The following UNC13C variants were observed in gnomAD, a reference collection of about 807,000 sequenced individuals.
The protein encoded by UNC13C is unc-13 homolog C.
UNC13C carries 174 observed loss-of-function variants against 245.4 expected under a neutral mutation model. That is an observed-to-expected ratio of 0.71 (90% CI 0.63 to 0.80). UNC13C has a LOEUF of 0.80. Ranked by LOEUF, UNC13C falls within the 30% of genes least tolerant of loss-of-function variation. The pLI is 0.00. For synonymous variants in UNC13C, 992 were observed against 895.1 expected, an observed-to-expected ratio of 1.11 and a Z score of -1.93; for missense variants, 2,829 against 2,602.9, an observed-to-expected ratio of 1.09 and a Z score of -1.89.
At chr15:54,333,888 T>G (rs768485918) in intron 16 of UNC13C, 32 bp downstream of exon 16, 1 of 1,495,616 alleles carries the variant, frequency 6.7e-7, no homozygotes, top group Non-Finnish European at 9.2e-7. Flanking sequence ...ACTGTTTTGT[T>G]GTGACATAGA....
chr15:54,050,653 G>T, intron 2 of UNC13C: 2 of 476,438 alleles, frequency 4.2e-6, no homozygotes, highest in South Asian at 3.5e-5. Flanking sequence ...CTTTCTGCTT[G>T]AATTTGTCTC....
Position 54,542,439 on chromosome 15 carries a change from T to A in UNC13C, c.5697-4283T>A, listed in dbSNP as rs186746101. ...TCCAATTATGTGGTCAATTTTAGAATAAGTGCAATGTGGTGCTGAGAAGAA... is the reference window on the plus strand; with the variant it reads ...TCCAATTATGTGGTCAATTTTAGAAAAAGTGCAATGTGGTGCTGAGAAGAA... On this transcript the variant is annotated intron_variant, in intron 26 of 32. Coordinates refer to ENST00000260323, the MANE Select transcript of UNC13C (RefSeq NM_001080534.3). 2.8e-3 allele frequency among the ~76,000 whole-genome samples: 433 copies of A among 152,244 alleles called. 6 individuals carry two copies. Among genetic ancestry groups the A allele is most frequent in the Non-Finnish European group, 6.9e-4 (47 of 68,012 alleles).
At chr15:54,124,959 C>G (rs1288411420) in intron 2 of UNC13C, among the ~76,000 whole-genome samples, 1 of 152,122 alleles carries the variant, frequency 6.6e-6, no homozygotes, top group Non-Finnish European at 1.5e-5. Flanking sequence ...ATGTGTGGGT[C>G]TTTTTCTGGG....
chr15:54,561,868 G>A (rs1897309566), intron 29 of UNC13C, among the ~76,000 whole-genome samples: 1 of 151,972 alleles, frequency 6.6e-6, no homozygotes, highest in Non-Finnish European at 1.5e-5. Flanking sequence ...GGTGGCTTTA[G>A]GAGGAGAAAG....
chr15:54,226,168 A>C (rs887976519), intron 4 of UNC13C, among the ~76,000 whole-genome samples: 1 of 152,126 alleles, frequency 6.6e-6, no homozygotes, highest in Non-Finnish European at 1.5e-5. Flanking sequence ...GTTGATTGTC[A>C]TGGGTAAGCT....
chr15:53,858,300 A>G, the UNC13C span, among the ~76,000 whole-genome samples: 1 of 152,178 alleles, frequency 6.6e-6, no homozygotes, highest in African/African-American at 2.4e-5. Context: ...GTATTAAGTT[A>G]AATTATGTTT....
the UNC13C span, among the ~76,000 whole-genome samples, chr15:53,905,399 T>TACACACACACACACACACAC: frequency 5.4e-3 from 671 of 123,544 alleles, 5 homozygotes; most frequent in Non-Finnish European, 8.3e-3. Flanking sequence ...TATTACTTTA[T>TACACACACACACACACACAC]ACACACACAC....
intron 1 of UNC13C, among the ~76,000 whole-genome samples, chr15:53,988,042 A>G (rs761049105): frequency 3.3e-5 from 5 of 151,892 alleles, no homozygotes; most frequent in Admixed American, 6.6e-5. Flanking sequence ...GACTTTCCCA[A>G]TACTTCTCTC....
chr15:53,942,787 C>G, the UNC13C span, among the ~76,000 whole-genome samples: 2 of 152,096 alleles, frequency 1.3e-5, no homozygotes, highest in Non-Finnish European at 2.9e-5. Flanking sequence ...CTCAGTCTTC[C>G]AAATAGCTGA....
At chr15:54,080,560 T>G (rs1898887707) in intron 2 of UNC13C, among the ~76,000 whole-genome samples, 1 of 152,068 alleles carries the variant, frequency 6.6e-6, no homozygotes, top group East Asian at 1.9e-4. Context: ...AAGTCATATG[T>G]TTCCAGGAAT....
At chr15:54,349,711 C>G (rs2038938040) in intron 17 of UNC13C, among the ~76,000 whole-genome samples, 1 of 152,144 alleles carries the variant, frequency 6.6e-6, no homozygotes, top group African/African-American at 2.4e-5. Flanking sequence ...AGCCAGTAAT[C>G]TAACTCTGGG....
intron 19 of UNC13C, among the ~76,000 whole-genome samples, chr15:54,461,865 A>G (rs1037275730): frequency 2.6e-5 from 4 of 152,200 alleles, no homozygotes; most frequent in Non-Finnish European, 5.9e-5. Context: ...GGGTTGTTCA[A>G]TGTTTGAAGA....
chr15:54,398,220 T>G (rs184435711), intron 18 of UNC13C, among the ~76,000 whole-genome samples: 3 of 151,560 alleles, frequency 2.0e-5, no homozygotes, highest in Admixed American at 2.0e-4. Context: ...ATCACATAAT[T>G]TTGCTTTTCA....
chr15:54,432,430 T>C (rs2040890879), intron 19 of UNC13C, among the ~76,000 whole-genome samples: 1 of 151,834 alleles, frequency 6.6e-6, no homozygotes, highest in Non-Finnish European at 1.5e-5. Flanking sequence ...AAATTAGAAC[T>C]CAGGATTAAG....
chr15:53,935,032 G>T, the UNC13C span, among the ~76,000 whole-genome samples: 1 of 152,098 alleles, frequency 6.6e-6, no homozygotes. Context: ...AAGGAGCCAG[G>T]ATGCAGAGAT....
the UNC13C span, among the ~76,000 whole-genome samples, chr15:53,860,492 G>A: frequency 6.6e-6 from 1 of 152,048 alleles, no homozygotes; most frequent in Non-Finnish European, 1.5e-5. Flanking sequence ...GGAGGTAATT[G>A]CCCCATAGGG....
At chr15:54,335,365 C>T (rs1239187047) in intron 16 of UNC13C, among the ~76,000 whole-genome samples, 1 of 152,066 alleles carries the variant, frequency 6.6e-6, no homozygotes, top group Non-Finnish European at 1.5e-5. Flanking sequence ...AATTAATTTC[C>T]TCCTATTATC....
chr15:54,474,537 T>C (rs1488484737), intron 19 of UNC13C, among the ~76,000 whole-genome samples: 2 of 152,104 alleles, frequency 1.3e-5, no homozygotes, highest in Non-Finnish European at 1.5e-5. Context: ...TGTGTTTGTT[T>C]GTTTTGTTTT....
At chr15:54,589,706 T>C (rs1898683484) in intron 30 of UNC13C, among the ~76,000 whole-genome samples, 1 of 130,906 alleles carries the variant, frequency 7.6e-6, no homozygotes, top group Non-Finnish European at 1.5e-5. Context: ...TTCTGGATAT[T>C]AGTCCTTTGT....
Sources: gnomAD v4.1 joint callset for allele counts (sites outside exome capture counted in the v4.1 genomes callset) on GRCh38, gnomAD v4.1.1 for gene constraint, MANE v1.5 for transcripts, NCBI Gene and HGNC (gene_info 2026-07-23, HGNC 2026-07-21) for gene names.